Variants in DIS3L2 observed in about 807,000 individuals in gnomAD.
DIS3L2 encodes DIS3 like 3'-5' exoribonuclease 2.
DIS3L2 carries 34 observed loss-of-function variants against 97.5 expected under a neutral mutation model. The observed-to-expected ratio is 0.35, with a 90% CI of 0.27 to 0.46. The LOEUF (loss-of-function observed/expected upper bound fraction) is 0.46. Among genes scored for constraint, DIS3L2 ranks in the 20% least tolerant of loss-of-function variants. The pLI, the probability that DIS3L2 is intolerant of heterozygous loss-of-function variation, is 1.00. For synonymous variants in DIS3L2, 435 were observed against 445.2 expected (o/e 0.98, Z 0.29); for missense variants, 1,038 against 1,146.0 (o/e 0.91, Z 1.36).
chr2:232,242,094 A>G (rs895422164), intron 11 of DIS3L2, among the ~76,000 whole-genome samples: 1 of 152,248 alleles, frequency 6.6e-6, no homozygotes, highest in Non-Finnish European at 1.5e-5. Context: ...GTTAACGTCA[A>G]ACTGTGTAGC....
chr2:232,035,635 G>C (rs1453147768), intron 5 of DIS3L2, among the ~76,000 whole-genome samples: 1 of 152,146 alleles, frequency 6.6e-6, no homozygotes, highest in Admixed American at 6.5e-5. Flanking sequence ...GCAGTGGCTG[G>C]TACCAGTTTT....
At chr2:232,279,931 T>G (rs1258553738) in intron 13 of DIS3L2, among the ~76,000 whole-genome samples, 2 of 152,198 alleles carry the variant, frequency 1.3e-5, no homozygotes. Context: ...ATTTCTTCTC[T>G]CTCCATTCTC....
chr2:232,336,560 A>T lies in DIS3L2; in HGVS notation c.2588A>T (p.Gln863Leu), dbSNP rs777191235. 4 of 1,609,702 alleles carry T rather than the reference A, an allele frequency of 2.5e-6. No individual in the cohort carries two copies. The South Asian group carries it at 4.4e-5, about 18-fold the overall frequency. Residue 863 changes from glutamine (Q) to leucine (L), a missense_variant, in exon 21 of 21, where the codon CAG becomes CTG. By Grantham distance (113) the Gln-to-Leu change is moderately radical. Transcript: ENST00000325385. ...GCCATCCTGAAGCGGCCAGGCACCC[A>T]GGGCCACCTGGGCCCTGAGAAGGAG... Reference protein sequence around the residue: ...YSAILKRPGTQGHLGPEKEEE... With the variant: ...YSAILKRPGTLGHLGPEKEEE...
At chr2:232,031,655 G>T (rs908933329) in intron 5 of DIS3L2, among the ~76,000 whole-genome samples, 50 of 151,362 alleles carry the variant, frequency 3.3e-4, no homozygotes, top group African/African-American at 1.2e-3. Flanking sequence ...CCCCTTGTCC[G>T]CACCCACCGA....
chr2:232,244,449 G>A (rs1294222016), intron 11 of DIS3L2, among the ~76,000 whole-genome samples: 1 of 152,162 alleles, frequency 6.6e-6, no homozygotes, highest in Non-Finnish European at 1.5e-5. Context: ...AGGTAAAGAA[G>A]GGAGGAAAAT....
At chr2:232,111,133 T>TA in intron 6 of DIS3L2, 1 of 414,500 alleles carries the variant, frequency 2.4e-6, no homozygotes, top group South Asian at 1.8e-5. Flanking sequence ...AAGATCTTAT[T>TA]AAAAAACTGC....
intron 14 of DIS3L2, among the ~76,000 whole-genome samples, chr2:232,323,610 C>T (rs1695497171): frequency 6.6e-6 from 1 of 152,192 alleles, no homozygotes; most frequent in African/African-American, 2.4e-5. Context: ...AGGCCTTCTC[C>T]TCTGGGCTTT....
At chr2:232,116,788 C>G (rs1292117422) in intron 6 of DIS3L2, among the ~76,000 whole-genome samples, 1 of 151,838 alleles carries the variant, frequency 6.6e-6, no homozygotes, top group Non-Finnish European at 1.5e-5. Flanking sequence ...AAAACTGTCC[C>G]TGGTTTTCAG....
intron 1 of DIS3L2, among the ~76,000 whole-genome samples, chr2:231,962,216 C>T (rs911818727): frequency 2.0e-5 from 3 of 152,030 alleles, no homozygotes; most frequent in Non-Finnish European, 1.5e-5. Flanking sequence ...TATAACATGT[C>T]CTTGACGTTT....
intron 12 of DIS3L2, among the ~76,000 whole-genome samples, chr2:232,262,613 A>T (rs982762289): frequency 6.6e-6 from 1 of 152,242 alleles, no homozygotes; most frequent in Non-Finnish European, 1.5e-5. Flanking sequence ...TATACAGTTC[A>T]GCCCCCTGGC....
chr2:232,330,133 A>C, intron 15 of DIS3L2, 137 bp downstream of exon 15: 1 of 1,099,240 alleles, frequency 9.1e-7, no homozygotes, highest in Admixed American at 3.1e-5. Context: ...GTAGGGAAGG[A>C]GGCCCTGGGA....
intron 11 of DIS3L2, among the ~76,000 whole-genome samples, chr2:232,241,132 C>A (rs1693069375): frequency 6.6e-6 from 1 of 152,234 alleles, no homozygotes; most frequent in Non-Finnish European, 1.5e-5. Flanking sequence ...GCTCTGATTC[C>A]TTTGAACCGC....
intron 5 of DIS3L2, among the ~76,000 whole-genome samples, chr2:232,052,252 G>A (rs916211069): frequency 6.6e-6 from 1 of 152,148 alleles, no homozygotes; most frequent in Non-Finnish European, 1.5e-5. Flanking sequence ...TCGAACTCCT[G>A]ACCTCAGGTG....
intron 9 of DIS3L2, among the ~76,000 whole-genome samples, chr2:232,166,347 C>T (rs4973034): frequency 0.12 from 18,582 of 152,222 alleles, 1,618 homozygotes; most frequent in South Asian, 0.34. Flanking sequence ...CACGCGTGCG[C>T]GCGCGCCCTG....
intron 1 of DIS3L2, among the ~76,000 whole-genome samples, chr2:231,985,407 ATAGT>A (rs1693382843): frequency 3.9e-5 from 6 of 152,216 alleles, no homozygotes; most frequent in Admixed American, 3.9e-4. Context: ...GCATGTATCA[ATAGT>A]TTGTTTTTCT....
intron 10 of DIS3L2, among the ~76,000 whole-genome samples, chr2:232,210,950 A>G (rs747382242): frequency 6.6e-6 from 1 of 152,018 alleles, no homozygotes; most frequent in Non-Finnish European, 1.5e-5. Context: ...AGGCAAACTG[A>G]TAAGGGCTCT....
At chr2:232,246,185 A>T (rs957208371) in intron 11 of DIS3L2, among the ~76,000 whole-genome samples, 3 of 152,180 alleles carry the variant, frequency 2.0e-5, no homozygotes, top group African/African-American at 7.2e-5. Flanking sequence ...ATGGCCCCAA[A>T]TCCTCTTTGA....
intron 6 of DIS3L2, among the ~76,000 whole-genome samples, chr2:232,100,795 TGAAA>T (rs1178283400): frequency 8.4e-6 from 1 of 118,756 alleles, no homozygotes; most frequent in Non-Finnish European, 1.7e-5. Flanking sequence ...ACATATGCTT[TGAAA>T]GAAAGGTGTG....
chr2:232,186,775 A>G (rs1330998270), intron 9 of DIS3L2, among the ~76,000 whole-genome samples: 3 of 152,252 alleles, frequency 2.0e-5, no homozygotes, highest in African/African-American at 7.2e-5. Context: ...GACTGGTTCA[A>G]CATTCAAAAC....
Sources: allele counts gnomAD v4.1 joint callset (sites outside exome capture counted in the v4.1 genomes callset), GRCh38; gene constraint gnomAD v4.1.1; transcripts MANE v1.5; gene names NCBI Gene and HGNC (gene_info 2026-07-23, HGNC 2026-07-21).